The following ANK2 variants were observed in gnomAD, a reference collection of about 807,000 sequenced individuals.
The protein encoded by ANK2 is ankyrin-2.
In ANK2, 83 loss-of-function variants were observed where a neutral mutation model predicts 360.5. The observed-to-expected ratio is 0.23, with a 90% confidence interval of 0.19 to 0.28. The LOEUF (loss-of-function observed/expected upper bound fraction) is 0.28, where lower values mean the gene tolerates loss of function less well. Among genes scored for constraint, ANK2 ranks in the 10% least tolerant of loss-of-function variants. The probability of loss-of-function intolerance (pLI) is 1.00; values close to 1 mark genes in which losing one functional copy is unlikely to be tolerated. For missense variants in ANK2, 4,201 were observed against 4,795.7 expected, an observed-to-expected ratio of 0.88 and a Z score of 3.66; for synonymous variants, 1,740 against 1,759.5, an observed-to-expected ratio of 0.99 and a Z score of 0.28.
intron 2 of ANK2, among the ~76,000 whole-genome samples, chr4:112,948,578 A>T (rs1391561929): frequency 6.6e-6 from 1 of 152,034 alleles, no homozygotes; most frequent in Non-Finnish European, 1.5e-5. Context: ...AAAACTTTTT[A>T]TTTTCCCTCA....
chr4:113,222,181 A>G (rs150678713), intron 4 of ANK2, among the ~76,000 whole-genome samples: 1 of 152,130 alleles, frequency 6.6e-6, no homozygotes, highest in Non-Finnish European at 1.5e-5. Flanking sequence ...TACTAACACC[A>G]CCCAAATTTC....
chr4:113,375,249 A>C (rs760709242), intron 45 of ANK2, among the ~76,000 whole-genome samples: 3 of 152,240 alleles, frequency 2.0e-5, no homozygotes, highest in Non-Finnish European at 4.4e-5. Context: ...AAAGTCACAG[A>C]AGTGTCTTGC....
At chr4:113,297,234 A>C (rs975654529) in intron 22 of ANK2, among the ~76,000 whole-genome samples, 1 of 152,274 alleles carries the variant, frequency 6.6e-6, no homozygotes, top group East Asian at 1.9e-4. Context: ...AATGTCCCCA[A>C]ATCCACTGGG....
In ANK2 at chr4:113,249,841, C is replaced by T. The variant is rs757601831; in HGVS notation, c.969C>T (p.Ala323=). 1.1e-5 allele frequency: 18 copies of T among 1,614,078 alleles called. No homozygotes were observed. The highest frequency in any genetic ancestry group is 1.7e-5 in the Admixed American group (1 of 60,024). The change falls in exon 10 of 46, where the codon GCC becomes GCT. Residue 323 remains alanine (A), a synonymous_variant. Transcript: ENST00000357077. ...QVVELLLERG[A]PLLARTKNGL... is the part of the protein sequence containing the mutation. ...TGGAACTTCTGTTGGAACGGGGTGC[C>T]CCCTTGCTGGCAAGGACTAAGGTGA...
intron 4 of ANK2, among the ~76,000 whole-genome samples, chr4:113,225,821 A>G (rs1405339556): frequency 3.3e-5 from 5 of 152,202 alleles, no homozygotes; most frequent in Admixed American, 6.5e-5. Flanking sequence ...AATTACCAAA[A>G]GGAATTTTCA....
chr4:113,080,645 T>C (rs2082038477), intron 1 of ANK2, among the ~76,000 whole-genome samples: 1 of 152,178 alleles, frequency 6.6e-6, no homozygotes, highest in Non-Finnish European at 1.5e-5. Context: ...AATGTTTGAA[T>C]ATATATTCAA....
intron 1 of ANK2, among the ~76,000 whole-genome samples, chr4:112,869,388 C>T (rs1417687733): frequency 6.6e-6 from 1 of 152,138 alleles, no homozygotes; most frequent in Non-Finnish European, 1.5e-5. Context: ...AGTGATCCTC[C>T]CACCTCAGCC....
At chr4:113,319,663 T>A (rs2084921787) in intron 26 of ANK2, among the ~76,000 whole-genome samples, 1 of 152,118 alleles carries the variant, frequency 6.6e-6, no homozygotes, top group Non-Finnish European at 1.5e-5. Flanking sequence ...ATAAGTTATA[T>A]AGTTATTGAA....
chr4:113,185,664 A>G (rs191705659), intron 2 of ANK2, among the ~76,000 whole-genome samples: 17 of 152,114 alleles, frequency 1.1e-4, no homozygotes, highest in East Asian at 1.9e-4. Context: ...TAGGTTGCCT[A>G]TTTACTCTGA....
chr4:113,156,302 AG>A (rs1400437430), intron 1 of ANK2, among the ~76,000 whole-genome samples: 2 of 16,436 alleles, frequency 1.2e-4, no homozygotes, highest in Non-Finnish European at 2.3e-4. Context: ...AAAGTAAAAC[AG>A]AATATTATTA....
rs1335584208 is a variant in ANK2 at position 113,080,934 on chromosome 4, A to G, written c.84+31122A>G. On this transcript the variant is annotated intron_variant, in intron 1 of 45. Coordinates refer to ENST00000357077, the MANE Select transcript of ANK2 (RefSeq NM_001148.6). The stretch of plus-strand genomic sequence containing the variant: ...CAGGAAAGCCCATTAGGGACAGTAT[A>G]GTAACCTCCATGTTAATCTACTAGT... Among the ~76,000 whole-genome samples the G allele has an allele frequency of 2.0e-5, 3 of 152,356 alleles. No individual in the cohort carries two copies. The East Asian group carries it at 5.8e-4, about 29-fold the overall frequency.
chr4:113,236,692 A>C (rs1390927153), intron 5 of ANK2, among the ~76,000 whole-genome samples: 1 of 152,118 alleles, frequency 6.6e-6, no homozygotes, highest in African/African-American at 2.4e-5. Context: ...ATTGGTTCTC[A>C]CTTTTATTTT....
the ANK2 span, among the ~76,000 whole-genome samples, chr4:112,712,616 C>T: frequency 2.0e-5 from 3 of 150,692 alleles, no homozygotes; most frequent in Non-Finnish European, 2.9e-5. Flanking sequence ...ACCGTGTTAG[C>T]CAGGATGGTC....
chr4:113,301,416 G>C (rs2153789914), intron 22 of ANK2, among the ~76,000 whole-genome samples: 1 of 150,716 alleles, frequency 6.6e-6, no homozygotes, highest in East Asian at 1.9e-4. Context: ...CACACACATT[G>C]TGAAATGGCT....
At chr4:112,839,926 A>G (rs2061746862) in intron 1 of ANK2, among the ~76,000 whole-genome samples, 1 of 152,112 alleles carries the variant, frequency 6.6e-6, no homozygotes, top group East Asian at 1.9e-4. Flanking sequence ...CCTATTTGTA[A>G]TCTTTCTTGG....
chr4:113,347,879 A>G (rs1524994), intron 35 of ANK2: 23,820 of 191,756 alleles, frequency 0.12, 3,153 homozygotes, highest in African/African-American at 0.36. Context: ...CTGTGTATTG[A>G]AAATTTTCCA....
At chr4:112,958,674 T>C (rs1395607347) in intron 2 of ANK2, among the ~76,000 whole-genome samples, 1 of 152,102 alleles carries the variant, frequency 6.6e-6, no homozygotes. Flanking sequence ...AAAGATTTAA[T>C]ACTGCATGTT....
At chr4:113,365,422 A>G in intron 41 of ANK2, among the ~76,000 whole-genome samples, 1 of 152,162 alleles carries the variant, frequency 6.6e-6, no homozygotes, top group African/African-American at 2.4e-5. Flanking sequence ...AAAATGATCC[A>G]TTGAATTCCT....
intron 2 of ANK2, among the ~76,000 whole-genome samples, chr4:112,911,692 A>G (rs2087492091): frequency 6.6e-6 from 1 of 152,194 alleles, no homozygotes; most frequent in Non-Finnish European, 1.5e-5. Flanking sequence ...TTGACACTAG[A>G]GAGAAGCTAA....
Sources: gnomAD v4.1 joint callset for allele counts (sites outside exome capture counted in the v4.1 genomes callset) on GRCh38, gnomAD v4.1.1 for gene constraint, MANE v1.5 for transcripts, NCBI Gene and HGNC (gene_info 2026-07-23, HGNC 2026-07-21) for gene names.